NALCN: variants seen among roughly 807,000 people sequenced by gnomAD.
NALCN encodes the protein sodium leak channel NALCN.
NALCN carries 111 observed loss-of-function variants against 225.3 expected under a neutral mutation model. That is an observed-to-expected ratio of 0.49 (90% CI 0.42 to 0.58). NALCN has a LOEUF of 0.58. NALCN is among the 20% of genes least tolerant of loss of function. NALCN has a pLI of 0.00. For synonymous variants in NALCN, 764 were observed against 769.0 expected, an observed-to-expected ratio of 0.99 and a Z score of 0.11; for missense variants, 1,378 against 2,202.4, an observed-to-expected ratio of 0.63 and a Z score of 7.49.
At chr13:101,407,203 A>C (rs2139540668) in intron 1 of NALCN, among the ~76,000 whole-genome samples, 1 of 152,330 alleles carries the variant, frequency 6.6e-6, no homozygotes, top group Middle Eastern at 3.4e-3. Context: ...AAAGTTTATC[A>C]AGAGGTGACT....
chr13:101,292,132 G>A lies in NALCN; in HGVS notation c.943-38C>T, dbSNP rs2043577862. 6.2e-7 allele frequency: 1 copy of A among 1,612,692 alleles called. No homozygotes were observed. The highest frequency in any genetic ancestry group is 8.5e-7 in the Non-Finnish European group (1 of 1,179,160). On this transcript the variant is annotated intron_variant, in intron 8 of 43. Coordinates refer to ENST00000251127, the MANE Select transcript of NALCN (RefSeq NM_052867.4). This position sits in a 1 kb window ranked among gnomAD's most constrained non-coding sequence, Gnocchi z 4.3. ...ACAAACCACATTTACCAAAGTCTAA[G>A]AATGACAAAGCAGAGGGCAACCAAA... is the stretch of plus-strand genomic sequence containing the variant.
In NALCN at chr13:101,143,176, T is replaced by G. The variant is rs1280562693; in HGVS notation, c.2022A>C (p.Thr674=). 1 of 1,613,530 alleles carries G rather than the reference T, an allele frequency of 6.2e-7. No individual in the cohort carries two copies. Among genetic ancestry groups the G allele is most frequent in the Non-Finnish European group, 8.5e-7 (1 of 1,179,866 alleles). The change falls in exon 17 of 44, where the codon ACA becomes ACC. Residue 674 remains threonine, a synonymous_variant. Transcript: ENST00000251127. ...KQFIDRQQQD[T]CCLLRSLPTT... is the part of the protein sequence containing the mutation. ...TCGGGAGGCTTCTCAGGAGGCAACATGTGTCCTGTTGCTGGCGGTCAATAA... is the reference window on the plus strand; with the variant it reads ...TCGGGAGGCTTCTCAGGAGGCAACAGGTGTCCTGTTGCTGGCGGTCAATAA...
At chr13:101,283,239 A>C (rs181979917) in intron 10 of NALCN, among the ~76,000 whole-genome samples, 1 of 152,336 alleles carries the variant, frequency 6.6e-6, no homozygotes, top group African/African-American at 2.4e-5. Context: ...ACTGATATTT[A>C]GGGGGCAAGG....
chr13:101,215,891 C>T (rs1418080407), intron 13 of NALCN, among the ~76,000 whole-genome samples: 1 of 151,998 alleles, frequency 6.6e-6, no homozygotes, highest in Non-Finnish European at 1.5e-5. Context: ...AAGGCCAGTA[C>T]CTCTGATTAG....
At position 101,386,987 on chromosome 13, in the gene NALCN, C is replaced by A. The variant is rs377289501; in HGVS notation, c.291+8196G>T. On this transcript the variant is annotated intron_variant, in intron 3 of 43. Transcript: ENST00000251127. ...CTGTAATCCCAGCACTTTGGGAGGC[C>A]GAGGCGGGTGGATCATGAGGTCAGG... is the stretch of plus-strand genomic sequence containing the variant. 3.5e-4 allele frequency among the ~76,000 whole-genome samples: 53 copies of A among 151,336 alleles called. No individual in the cohort carries two copies. The South Asian group carries it at 0.011, about 30-fold the overall frequency.
chr13:101,276,831 T>C (rs1436284643), intron 10 of NALCN, among the ~76,000 whole-genome samples: 2 of 152,148 alleles, frequency 1.3e-5, no homozygotes, highest in African/African-American at 2.4e-5. Flanking sequence ...AAATATTTGA[T>C]ATAAGGTAAA....
intron 13 of NALCN, among the ~76,000 whole-genome samples, chr13:101,210,126 T>C (rs750345834): frequency 1.5e-4 from 23 of 152,166 alleles, no homozygotes; most frequent in Non-Finnish European, 3.2e-4. Context: ...AATTTAAGAT[T>C]ATAGGATGCA....
chr13:101,242,394 A>G (rs2041783739), intron 11 of NALCN, among the ~76,000 whole-genome samples: 1 of 104,980 alleles, frequency 9.5e-6, no homozygotes, highest in African/African-American at 3.4e-5. Flanking sequence ...TTAATTCTCA[A>G]TGGTTAGACA....
At chr13:101,408,354 T>A (rs1385554371) in intron 1 of NALCN, among the ~76,000 whole-genome samples, 1 of 152,174 alleles carries the variant, frequency 6.6e-6, no homozygotes, top group Non-Finnish European at 1.5e-5. Context: ...ATGAGCTGGA[T>A]GCATCATTCC....
At chr13:101,095,771 G>T in intron 27 of NALCN, 91 bp from the exon 28 acceptor site, 1 of 1,100,454 alleles carries the variant, frequency 9.1e-7, no homozygotes, top group Non-Finnish European at 1.3e-6. Flanking sequence ...TTCTTTCACG[G>T]AATCCCAAAA....
intron 11 of NALCN, among the ~76,000 whole-genome samples, chr13:101,249,163 G>A (rs1184479623): frequency 2.0e-5 from 3 of 152,130 alleles, no homozygotes; most frequent in Non-Finnish European, 4.4e-5. Flanking sequence ...AGTTTCAATA[G>A]AGATTATAAA....
chr13:101,155,752 G>A (rs1273701265), intron 15 of NALCN, among the ~76,000 whole-genome samples: 1 of 152,138 alleles, frequency 6.6e-6, no homozygotes, highest in African/African-American at 2.4e-5. Context: ...GTGGGTGGAT[G>A]TTAAAGCTGC....
intron 17 of NALCN, 38 bp downstream of exon 17, chr13:101,143,042 T>G: frequency 1.9e-6 from 3 of 1,613,734 alleles, no homozygotes; most frequent in Non-Finnish European, 2.5e-6. Context: ...ACATAGATGC[T>G]TTTTAGAAGC....
At chr13:101,182,624 T>C (rs7332451) in intron 14 of NALCN, among the ~76,000 whole-genome samples, 38,675 of 152,096 alleles carry the variant, frequency 0.25, 5,658 homozygotes, top group Non-Finnish European at 0.33. Flanking sequence ...GGGTTTCCGC[T>C]GAAGCCCTAT....
intron 40 of NALCN, among the ~76,000 whole-genome samples, chr13:101,062,617 T>C (rs192982774): frequency 6.6e-6 from 1 of 152,130 alleles, no homozygotes; most frequent in African/African-American, 2.4e-5. Flanking sequence ...TTTTTTCTTT[T>C]TTTGAGATGG....
At chr13:101,150,727 T>C (rs967041450) in intron 15 of NALCN, among the ~76,000 whole-genome samples, 6 of 151,648 alleles carry the variant, frequency 4.0e-5, no homozygotes, top group Non-Finnish European at 8.8e-5. Flanking sequence ...TTGATGCAAA[T>C]GAATGAATAA....
intron 18 of NALCN, among the ~76,000 whole-genome samples, chr13:101,123,246 TC>T (rs1336277589): frequency 1.3e-5 from 2 of 152,172 alleles, no homozygotes; most frequent in African/African-American, 4.8e-5. Context: ...GTGAGTAAGG[TC>T]CCTGTAGTTC....
chr13:101,258,586 A>G lies in NALCN; in HGVS notation c.1135-12T>C. The G allele has an allele frequency of 6.2e-7, 1 of 1,614,146 alleles. No homozygotes were observed. The highest frequency in any genetic ancestry group is 8.5e-7 in the Non-Finnish European group (1 of 1,180,016). ...GACCGCATCATTTTCTGAGGGGGCGAAACAGACAGACTCTTAACAAAGAAA... is the reference window on the plus strand; with the variant it reads ...GACCGCATCATTTTCTGAGGGGGCGGAACAGACAGACTCTTAACAAAGAAA... On this transcript the variant is annotated splice_polypyrimidine_tract_variant and intron_variant, in intron 10 of 43. Transcript: ENST00000251127.
At chr13:101,235,332 A>G in intron 12 of NALCN, among the ~76,000 whole-genome samples, 1 of 152,334 alleles carries the variant, frequency 6.6e-6, no homozygotes, top group African/African-American at 2.4e-5. Flanking sequence ...GTCAGAGACT[A>G]TAGCAATTTT....
Sources: allele counts gnomAD v4.1 joint callset (sites outside exome capture counted in the v4.1 genomes callset), GRCh38; gene constraint gnomAD v4.1.1; non-coding constraint Gnocchi (gnomAD v3.1); transcripts MANE v1.5; gene names NCBI Gene and HGNC (gene_info 2026-07-23, HGNC 2026-07-21).